The following FAM53B variants were observed in gnomAD, a reference collection of about 807,000 sequenced individuals.
The protein encoded by FAM53B is protein FAM53B.
Under a neutral mutation model 32.7 loss-of-function variants are expected in FAM53B, and 12 were observed. That is an observed-to-expected ratio of 0.37 (90% CI 0.24 to 0.59). The LOEUF (loss-of-function observed/expected upper bound fraction) is 0.59, where lower values mean the gene tolerates loss of function less well. Ranked by LOEUF, FAM53B falls within the 20% of genes least tolerant of loss-of-function variation. The pLI is 0.72. For synonymous variants in FAM53B, 234 were observed against 228.7 expected, an observed-to-expected ratio of 1.02 and a Z score of -0.21; for missense variants, 477 against 577.7, an observed-to-expected ratio of 0.83 and a Z score of 1.79.
At chr10:124,655,892 A>C (rs1564869268) in intron 4 of FAM53B, among the ~76,000 whole-genome samples, 1 of 152,194 alleles carries the variant, frequency 6.6e-6, no homozygotes, top group Non-Finnish European at 1.5e-5. Context: ...AAGCTGCCAG[A>C]GAGAAGGGCC....
At chr10:124,629,772 A>G (rs1345188579) in intron 4 of FAM53B, among the ~76,000 whole-genome samples, 1 of 152,216 alleles carries the variant, frequency 6.6e-6, no homozygotes, top group Non-Finnish European at 1.5e-5. Context: ...TTAAAAAACT[A>G]TTTCAGAAAA....
chr10:124,636,839 C>T (rs548294533), intron 4 of FAM53B, among the ~76,000 whole-genome samples: 7 of 151,896 alleles, frequency 4.6e-5, no homozygotes, highest in Admixed American at 1.3e-4. Context: ...ATGTCTGTGA[C>T]GCCAGAGCCC....
intron 1 of FAM53B, among the ~76,000 whole-genome samples, chr10:124,735,782 CT>C (rs1950170015): frequency 6.9e-6 from 1 of 144,142 alleles, no homozygotes; most frequent in Admixed American, 7.0e-5. Flanking sequence ...TATGGGCTGG[CT>C]GGGGGTGCTG....
intron 4 of FAM53B, among the ~76,000 whole-genome samples, chr10:124,634,803 G>A (rs1406883142): frequency 6.6e-6 from 1 of 152,222 alleles, no homozygotes; most frequent in Non-Finnish European, 1.5e-5. Flanking sequence ...TGACTGCTAA[G>A]GGGTATGGAC....
chr10:124,735,573 G>C (rs1012580099), intron 1 of FAM53B, among the ~76,000 whole-genome samples: 2 of 152,246 alleles, frequency 1.3e-5, no homozygotes, highest in Non-Finnish European at 2.9e-5. Context: ...CCCAACTCCA[G>C]TTGAAGTCCC....
rs917703709 is a variant in FAM53B at position 124,733,978 on chromosome 10, C to T, written c.-175+10035G>A. Among the ~76,000 whole-genome samples, 4 of 152,228 alleles carry T rather than the reference C, an allele frequency of 2.6e-5. No individual in the cohort carries two copies. In the East Asian group the frequency reaches 5.8e-4, roughly 22 times the overall value. ...CTGGGGACACCTGCTCTCCTGGTCT[C>T]GAATGTCTCCTCCTCCCCGTTCTTC... On this transcript the variant is annotated intron_variant, in intron 1 of 4. Coordinates refer to ENST00000337318, the MANE Select transcript of FAM53B (RefSeq NM_014661.4). The surrounding 1 kb of genome is among the most constrained non-coding windows in gnomAD (Gnocchi z 4.3).
chr10:124,674,463 A>G (rs1589746572), intron 4 of FAM53B, among the ~76,000 whole-genome samples: 1 of 152,200 alleles, frequency 6.6e-6, no homozygotes, highest in Non-Finnish European at 1.5e-5. Context: ...GGATGGGGAA[A>G]ATGAACCATG....
At chr10:124,624,895 A>G (rs1209909689) in intron 4 of FAM53B, among the ~76,000 whole-genome samples, 1 of 152,228 alleles carries the variant, frequency 6.6e-6, no homozygotes, top group African/African-American at 2.4e-5. Flanking sequence ...GGACTGCAGC[A>G]ACGAGGTCGA....
intron 1 of FAM53B, among the ~76,000 whole-genome samples, chr10:124,731,746 T>C (rs1950144614): frequency 6.6e-6 from 1 of 152,056 alleles, no homozygotes; most frequent in Non-Finnish European, 1.5e-5. Context: ...TGTGGCATGC[T>C]AGACTGCCAC....
At position 124,624,651 on chromosome 10, in the gene FAM53B, G is replaced by A. The variant is rs866947849; in HGVS notation, c.907-1047C>T. Among the ~76,000 whole-genome samples, 4 of 152,154 alleles carry A rather than the reference G, an allele frequency of 2.6e-5. No individual in the cohort carries two copies. In the South Asian group the frequency reaches 6.2e-4, roughly 24 times the overall value. ...GAGGCAGCCTGGGGCCTGCCCGAGC[G>A]GCAGGCAGAGCTTGAACAGGATTTC... On this transcript the variant is annotated intron_variant, in intron 4 of 4. Coordinates refer to ENST00000337318, the MANE Select transcript of FAM53B (RefSeq NM_014661.4).
At chr10:124,679,625 G>T (rs1949756629) in intron 4 of FAM53B, among the ~76,000 whole-genome samples, 1 of 152,214 alleles carries the variant, frequency 6.6e-6, no homozygotes, top group Non-Finnish European at 1.5e-5. Flanking sequence ...ATAGGCCTTG[G>T]GCACACACAC....
chr10:124,650,109 TGACTTATCTCCCTA>T (rs1949546972), intron 4 of FAM53B, among the ~76,000 whole-genome samples: 1 of 152,206 alleles, frequency 6.6e-6, no homozygotes, highest in African/African-American at 2.4e-5. Flanking sequence ...ATCGATCAGA[TGACTTATCTCCCTA>T]ATGGAGCTGG....
At chr10:124,643,143 GCTGT>G (rs766599879) in intron 4 of FAM53B, among the ~76,000 whole-genome samples, 3 of 152,244 alleles carry the variant, frequency 2.0e-5, no homozygotes, top group Non-Finnish European at 4.4e-5. Flanking sequence ...AGGAAATAAA[GCTGT>G]CTGTCTCTGG....
chr10:124,629,502 C>A (rs932972342), intron 4 of FAM53B, among the ~76,000 whole-genome samples: 1 of 152,192 alleles, frequency 6.6e-6, no homozygotes. Context: ...GCCCAACTCA[C>A]AAGTCACGAG....
At chr10:124,636,106 G>C (rs929438196) in intron 4 of FAM53B, among the ~76,000 whole-genome samples, 1 of 152,156 alleles carries the variant, frequency 6.6e-6, no homozygotes, top group African/African-American at 2.4e-5. Context: ...CTCTGTGTGT[G>C]TGTATTTATC....
At chr10:124,639,983 C>T (rs1037502166) in intron 4 of FAM53B, among the ~76,000 whole-genome samples, 1 of 151,978 alleles carries the variant, frequency 6.6e-6, no homozygotes, top group Admixed American at 6.6e-5. Flanking sequence ...CTGCACCCAC[C>T]CTTAACCACC....
chr10:124,672,187 T>C lies in FAM53B; in HGVS notation c.906+9420A>G, dbSNP rs114684170. ...CCACAAAGGGCAGCAGCCTGCATGG[T>C]GTCGGGAAAAGGCCCGGTCAGGCAC... On this transcript the variant is annotated intron_variant, in intron 4 of 4. Transcript: ENST00000337318. Among the ~76,000 whole-genome samples the C allele has an allele frequency of 4.1e-3, 632 of 152,310 alleles. 10 individuals are homozygous for C. Among genetic ancestry groups the C allele is most frequent in the African/African-American group, 0.014 (595 of 41,576 alleles).
intron 1 of FAM53B, among the ~76,000 whole-genome samples, chr10:124,738,308 C>G (rs1281202389): frequency 6.6e-6 from 1 of 152,062 alleles, no homozygotes; most frequent in South Asian, 2.1e-4. Context: ...GTTGCTGCCC[C>G]CCTCTCCAAG....
At chr10:124,697,127 G>C (rs1471733092) in intron 2 of FAM53B, among the ~76,000 whole-genome samples, 3 of 152,130 alleles carry the variant, frequency 2.0e-5, no homozygotes, top group African/African-American at 7.2e-5. Flanking sequence ...CCCCAGGAAG[G>C]AGCTCTGCCT....
Sources: allele counts gnomAD v4.1 joint callset (sites outside exome capture counted in the v4.1 genomes callset), GRCh38; gene constraint gnomAD v4.1.1; non-coding constraint Gnocchi (gnomAD v3.1); transcripts MANE v1.5; gene names NCBI Gene and HGNC (gene_info 2026-07-23, HGNC 2026-07-21).